Variants in TENM2 observed in about 807,000 individuals in gnomAD.
TENM2 encodes teneurin-2.
TENM2 carries 52 observed loss-of-function variants against 245.2 expected under a neutral mutation model. The ratio of observed to expected loss-of-function variants is 0.21; its 90% CI spans 0.17 to 0.27. The LOEUF is 0.27. TENM2 is among the 10% of genes least tolerant of loss of function. The pLI is 1.00. For synonymous variants in TENM2, 1,363 were observed against 1,438.9 expected (o/e 0.95, Z 1.19); for missense variants, 3,046 against 3,666.8 (o/e 0.83, Z 4.37).
At position 167,663,764 on chromosome 5, in the gene TENM2, A is replaced by G. The variant is rs139041599; in HGVS notation, c.503-212222A>G. Among the ~76,000 whole-genome samples, 904 of 152,172 alleles carry G rather than the reference A, an allele frequency of 5.9e-3. 1 individual carries two copies. The highest frequency in any genetic ancestry group is 9.5e-3 in the Non-Finnish European group (648 of 67,994). ...TATTATGGATAAATTATATCTTTCA[A>G]TTCTAATCATTTAGTGAACATATAT... On this transcript the variant is annotated intron_variant, in intron 2 of 28. Transcript: ENST00000518659.
At chr5:167,841,963 C>A (rs201698039) in intron 2 of TENM2, among the ~76,000 whole-genome samples, 13 of 151,806 alleles carry the variant, frequency 8.6e-5, no homozygotes, top group South Asian at 4.2e-4. Context: ...TTGTCTCTCT[C>A]TATATATACA....
chr5:167,439,561 G>A (rs996531593), intron 2 of TENM2, among the ~76,000 whole-genome samples: 3 of 152,118 alleles, frequency 2.0e-5, no homozygotes, highest in Admixed American at 1.3e-4. Flanking sequence ...TTCATGCATG[G>A]ACCCTAGGAT....
At chr5:167,691,380 C>A (rs1460926918) in intron 2 of TENM2, among the ~76,000 whole-genome samples, 1 of 152,154 alleles carries the variant, frequency 6.6e-6, no homozygotes, top group Non-Finnish European at 1.5e-5. Context: ...AGAACAATTT[C>A]TTCCTGTTCT....
intron 2 of TENM2, among the ~76,000 whole-genome samples, chr5:167,706,147 T>C (rs985263040): frequency 7.5e-5 from 11 of 145,856 alleles, no homozygotes; most frequent in African/African-American, 2.5e-4. Flanking sequence ...AGTATATAGA[T>C]GGTGTGTATA....
chr5:167,922,078 G>C (rs1777414290), intron 3 of TENM2, among the ~76,000 whole-genome samples: 1 of 152,178 alleles, frequency 6.6e-6, no homozygotes, highest in Non-Finnish European at 1.5e-5. Context: ...CATGAAGTAG[G>C]AACTGTCTTT....
intron 2 of TENM2, among the ~76,000 whole-genome samples, chr5:167,504,351 A>T (rs1457294576): frequency 6.6e-6 from 1 of 152,188 alleles, no homozygotes; most frequent in African/African-American, 2.4e-5. Flanking sequence ...TGTTACAATA[A>T]TTTATTATAT....
intron 25 of TENM2, among the ~76,000 whole-genome samples, chr5:168,233,722 G>C (rs766438625): frequency 1.3e-5 from 2 of 152,184 alleles, no homozygotes; most frequent in Non-Finnish European, 2.9e-5. Context: ...ACATACCCAA[G>C]ACTGGGAAGA....
intron 4 of TENM2, among the ~76,000 whole-genome samples, chr5:167,978,879 C>T (rs1782629808): frequency 6.6e-6 from 1 of 152,112 alleles, no homozygotes; most frequent in South Asian, 2.1e-4. Flanking sequence ...TATAAAACGT[C>T]TACTCAAGGG....
the TENM2 span, among the ~76,000 whole-genome samples, chr5:167,109,519 A>G: frequency 6.6e-6 from 1 of 152,200 alleles, no homozygotes; most frequent in Non-Finnish European, 1.5e-5. Flanking sequence ...AATGCTATAA[A>G]CCCTTTAAAT....
In TENM2 at chr5:167,614,172, T is replaced by G. The variant is rs555482888; in HGVS notation, c.502+238699T>G. ...CTGATTATACCTGAGGGTATGCCAA[T>G]CTTCTGATTTAAAACATAGTACCTG... On this transcript the variant is annotated intron_variant, in intron 2 of 28. Transcript: ENST00000518659. Among the ~76,000 whole-genome samples the G allele has an allele frequency of 3.3e-5, 5 of 152,270 alleles. No individual in the cohort carries two copies. In the South Asian group the frequency reaches 1.0e-3, roughly 32 times the overall value.
At chr5:167,621,239 GATA>G (rs1778154144) in intron 2 of TENM2, among the ~76,000 whole-genome samples, 1 of 152,154 alleles carries the variant, frequency 6.6e-6, no homozygotes, top group South Asian at 2.1e-4. Context: ...GAACATTTCA[GATA>G]ATGATAACTT....
At chr5:168,042,408 G>A (rs1161475112) in intron 5 of TENM2, among the ~76,000 whole-genome samples, 1 of 152,128 alleles carries the variant, frequency 6.6e-6, no homozygotes, top group Non-Finnish European at 1.5e-5. Context: ...AGCTCTCTGG[G>A]AAGTATTGCT....
the TENM2 span, among the ~76,000 whole-genome samples, chr5:167,082,853 A>G: frequency 2.0e-5 from 3 of 152,134 alleles, no homozygotes; most frequent in African/African-American, 7.2e-5. Flanking sequence ...TAAGTCTTTT[A>G]TAATTGACTT....
chr5:168,230,042 CTAAAA>C (rs1264236320), intron 25 of TENM2, among the ~76,000 whole-genome samples: 3 of 152,100 alleles, frequency 2.0e-5, no homozygotes, highest in Admixed American at 1.3e-4. Flanking sequence ...AAATGTGGCC[CTAAAA>C]TAAAGTGGCT....
At chr5:168,092,506 A>G (rs1793029413) in intron 8 of TENM2, among the ~76,000 whole-genome samples, 1 of 152,214 alleles carries the variant, frequency 6.6e-6, no homozygotes, top group Non-Finnish European at 1.5e-5. Flanking sequence ...CCCTTTACAG[A>G]CAAAGTTTGC....
chr5:167,654,782 C>G (rs1379241511), intron 2 of TENM2, among the ~76,000 whole-genome samples: 3 of 152,024 alleles, frequency 2.0e-5, no homozygotes, highest in Non-Finnish European at 4.4e-5. Flanking sequence ...TTCATTTTCA[C>G]TCATTTACTT....
chr5:167,227,732 G>GTATTTATTT, the TENM2 span, among the ~76,000 whole-genome samples: 1 of 152,232 alleles, frequency 6.6e-6, no homozygotes, highest in South Asian at 2.1e-4. Context: ...GTGCCATGAA[G>GTATTTATTT]AAGATCTTTT....
At chr5:167,558,089 C>A (rs991020901) in intron 2 of TENM2, among the ~76,000 whole-genome samples, 81 of 152,278 alleles carry the variant, frequency 5.3e-4, no homozygotes, top group African/African-American at 1.8e-3. Context: ...TTTTTGGAAG[C>A]AGAACCACTA....
At chr5:167,230,428 C>G in the TENM2 span, among the ~76,000 whole-genome samples, 1 of 152,144 alleles carries the variant, frequency 6.6e-6, no homozygotes, top group Non-Finnish European at 1.5e-5. Flanking sequence ...TTCCAGTGTT[C>G]TCTCTTGGAT....
Sources: gnomAD v4.1 joint callset for allele counts (sites outside exome capture counted in the v4.1 genomes callset) on GRCh38, gnomAD v4.1.1 for gene constraint, MANE v1.5 for transcripts, NCBI Gene and HGNC (gene_info 2026-07-23, HGNC 2026-07-21) for gene names.